Variants in RGS6 observed in about 807,000 individuals in gnomAD.
RGS6 encodes regulator of G-protein signaling 6.
In RGS6, 30 loss-of-function variants were observed where a neutral mutation model predicts 78.5. The observed-to-expected ratio is 0.38, with a 90% CI of 0.29 to 0.52. The LOEUF (loss-of-function observed/expected upper bound fraction) is 0.52. Among genes scored for constraint, RGS6 ranks in the 20% least tolerant of loss-of-function variants. The pLI, the probability that RGS6 is intolerant of heterozygous loss-of-function variation, is 0.85. For missense variants in RGS6, 495 were observed against 609.7 expected (o/e 0.81, Z 1.98); for synonymous variants, 206 against 206.0 (o/e 1.00, Z 0.00).
chr14:72,265,615 G>A (rs932973577), intron 2 of RGS6, among the ~76,000 whole-genome samples: 1 of 152,118 alleles, frequency 6.6e-6, no homozygotes, highest in Non-Finnish European at 1.5e-5. Context: ...AACTACTGAC[G>A]GCTACCCAAT....
chr14:72,233,912 G>A (rs1034443706), intron 2 of RGS6, among the ~76,000 whole-genome samples: 7 of 152,074 alleles, frequency 4.6e-5, no homozygotes, highest in South Asian at 2.1e-4. Flanking sequence ...GTGAAGGACC[G>A]AATAGTTAGA....
chr14:72,040,207 A>G (rs1008694960), intron 2 of RGS6, among the ~76,000 whole-genome samples: 12 of 152,198 alleles, frequency 7.9e-5, no homozygotes, highest in African/African-American at 2.9e-4. Context: ...GTATTTGTCT[A>G]TATATTGACC....
chr14:72,532,600 G>A (rs117527402), intron 15 of RGS6, among the ~76,000 whole-genome samples: 2,773 of 152,326 alleles, frequency 0.018, 37 homozygotes, highest in Middle Eastern at 0.048. Flanking sequence ...AAACAGCCTA[G>A]GTGTGAATAC....
chr14:72,404,136 C>T (rs7141922), intron 3 of RGS6, among the ~76,000 whole-genome samples: 23,655 of 152,134 alleles, frequency 0.16, 2,643 homozygotes, highest in African/African-American at 0.32. Flanking sequence ...GCACAGGACC[C>T]TTCTTTTTGA....
At chr14:71,895,044 G>A in the RGS6 span, among the ~76,000 whole-genome samples, 32 of 151,322 alleles carry the variant, frequency 2.1e-4, no homozygotes, top group African/African-American at 5.3e-4. Flanking sequence ...GATTACAGGC[G>A]TGAGCCACTG....
At chr14:72,474,528 G>A in intron 9 of RGS6, 97 bp from the exon 10 acceptor site, 2 of 1,142,726 alleles carry the variant, frequency 1.8e-6, no homozygotes, top group African/African-American at 1.6e-5. Flanking sequence ...GTCTGTAATG[G>A]AAAAAGATAA....
intron 2 of RGS6, among the ~76,000 whole-genome samples, chr14:72,240,272 A>C (rs72721840): frequency 0.11 from 16,866 of 152,216 alleles, 1,286 homozygotes; most frequent in Non-Finnish European, 0.16. Flanking sequence ...CTGATCTCCC[A>C]TCCTCATTGA....
At chr14:72,149,817 T>C (rs2096658827) in intron 2 of RGS6, among the ~76,000 whole-genome samples, 1 of 152,206 alleles carries the variant, frequency 6.6e-6, no homozygotes, top group Non-Finnish European at 1.5e-5. Flanking sequence ...TCAAATGTCT[T>C]TAGTTGGGCT....
chr14:72,506,329 A>C (rs1411862116), intron 13 of RGS6, among the ~76,000 whole-genome samples: 1 of 152,256 alleles, frequency 6.6e-6, no homozygotes, highest in Non-Finnish European at 1.5e-5. Context: ...ATATCGCTAC[A>C]CAATGGATGT....
At chr14:72,042,567 G>A (rs2092513679) in intron 2 of RGS6, among the ~76,000 whole-genome samples, 1 of 152,018 alleles carries the variant, frequency 6.6e-6, no homozygotes, top group African/African-American at 2.4e-5. Context: ...TCTGTATAAT[G>A]TATTCAAAAT....
At chr14:72,047,911 T>G (rs868273633) in intron 2 of RGS6, among the ~76,000 whole-genome samples, 2 of 148,482 alleles carry the variant, frequency 1.3e-5, no homozygotes, top group Admixed American at 6.7e-5. Flanking sequence ...TTTTTTTTTT[T>G]TTTTTTTTTT....
At chr14:72,194,845 C>T (rs1196942362) in intron 2 of RGS6, among the ~76,000 whole-genome samples, 1 of 152,050 alleles carries the variant, frequency 6.6e-6, no homozygotes, top group Non-Finnish European at 1.5e-5. Context: ...CTTAAAAGGT[C>T]GCCAGGTTTT....
chr14:71,935,032 A>C (rs1052175846), intron 1 of RGS6, among the ~76,000 whole-genome samples: 5 of 152,226 alleles, frequency 3.3e-5, no homozygotes, highest in African/African-American at 4.8e-5. Flanking sequence ...CTCTGAACCT[A>C]GGAATGCATT....
rs1348750105 is a variant in RGS6, at chr14:72,563,560, GT to G, written c.*1094del. 6.6e-6 allele frequency: 1 copy of G among 152,492 alleles called. No individual in the cohort carries two copies. Among genetic ancestry groups the G allele is most frequent in the Non-Finnish European group, 1.5e-5 (1 of 68,266 alleles). The allele number at this position is 152,492 out of a possible 1,614,324, so 9.4% of individuals were successfully genotyped here. Reference sequence around the variant, plus strand: ...GCCAGGCCACAGGGCTCTCCTCCCAGTCTTTATCTGAAGGCCCAGCCAAAGC... The same window carrying G: ...GCCAGGCCACAGGGCTCTCCTCCCAGCTTTATCTGAAGGCCCAGCCAAAGC... On this transcript the variant is annotated 3_prime_UTR_variant, in exon 18 of 18. Transcript: ENST00000553525.
the RGS6 span, among the ~76,000 whole-genome samples, chr14:71,876,273 G>A: frequency 6.6e-6 from 1 of 151,942 alleles, no homozygotes; most frequent in Admixed American, 6.6e-5. Context: ...TTATTGTATG[G>A]GAGCCTAAGT....
intron 2 of RGS6, among the ~76,000 whole-genome samples, chr14:72,063,367 C>G (rs1355323130): frequency 4.6e-5 from 7 of 152,032 alleles, no homozygotes; most frequent in Non-Finnish European, 2.9e-5. Context: ...GGTTGAGGGC[C>G]TGGGCTGAGA....
At chr14:72,361,201 A>G (rs546254248) in intron 3 of RGS6, among the ~76,000 whole-genome samples, 1 of 120,526 alleles carries the variant, frequency 8.3e-6, no homozygotes, top group East Asian at 2.0e-4. Context: ...ATTTAAAGAC[A>G]GGTAATTTTT....
At chr14:72,453,001 G>A (rs1316507016) in intron 3 of RGS6, among the ~76,000 whole-genome samples, 7 of 152,224 alleles carry the variant, frequency 4.6e-5, no homozygotes, top group African/African-American at 1.7e-4. Context: ...GAGGGACCCA[G>A]GCCTGTTGCA....
At chr14:72,489,946 A>G (rs550397736) in intron 12 of RGS6, among the ~76,000 whole-genome samples, 1 of 152,354 alleles carries the variant, frequency 6.6e-6, no homozygotes, top group African/African-American at 2.4e-5. Context: ...AAAGAATTCA[A>G]TCAGCCCAAG....
Sources: gnomAD v4.1 joint callset for allele counts (sites outside exome capture counted in the v4.1 genomes callset) on GRCh38, gnomAD v4.1.1 for gene constraint, MANE v1.5 for transcripts, NCBI Gene and HGNC (gene_info 2026-07-23, HGNC 2026-07-21) for gene names.